Variants in ANKRD45 observed in about 807,000 individuals in gnomAD.
ANKRD45 encodes the protein ankyrin repeat domain-containing protein 45.
Under a neutral mutation model 28.1 loss-of-function variants are expected in ANKRD45, and 21 were observed. That is an observed-to-expected ratio of 0.75 (90% CI 0.53 to 1.08). The LOEUF is 1.08. Among genes scored for constraint, ANKRD45 ranks in the 50% least tolerant of loss-of-function variants. The pLI is 0.00. For missense variants in ANKRD45, 261 were observed against 308.7 expected, an observed-to-expected ratio of 0.85 and a Z score of 1.16; for synonymous variants, 86 against 103.9, an observed-to-expected ratio of 0.83 and a Z score of 1.05.
chr1:173,657,056 G>T (rs1349539393), intron 2 of ANKRD45, among the ~76,000 whole-genome samples: 1 of 148,636 alleles, frequency 6.7e-6, no homozygotes, highest in Non-Finnish European at 1.5e-5. Context: ...GGGATTACAG[G>T]TGTGAGCCAC....
At position 173,620,284 on chromosome 1, in the gene ANKRD45, C is replaced by T. The variant is rs74957350; in HGVS notation, c.730+4503G>A. Among the ~76,000 whole-genome samples the T allele has an allele frequency of 4.9e-3, 739 of 152,228 alleles. 5 individuals carry two copies. Among genetic ancestry groups the T allele is most frequent in the African/African-American group, 0.017 (702 of 41,538 alleles). ...ACCACAGTGCAATCAAATTAGAATT[C>T]GATGCTAAGAAATTCACTCAAAACC... is the stretch of plus-strand genomic sequence containing the variant. On this transcript the variant is annotated intron_variant, in intron 5 of 5. Coordinates refer to ENST00000333279, the MANE Select transcript of ANKRD45 (RefSeq NM_198493.3).
chr1:173,709,616 C>A, the ANKRD45 span, among the ~76,000 whole-genome samples: 1 of 151,900 alleles, frequency 6.6e-6, no homozygotes, highest in Non-Finnish European at 1.5e-5. Context: ...CATATCTGGG[C>A]ACCCTACTAG....
the ANKRD45 span, among the ~76,000 whole-genome samples, chr1:173,702,177 A>C: frequency 1.3e-5 from 2 of 152,162 alleles, no homozygotes; most frequent in South Asian, 4.1e-4. Context: ...GCACAGAGAG[A>C]AGCCAAGAGT....
At chr1:173,670,318 T>C (rs189291805), upstream of ANKRD45, among the ~76,000 whole-genome samples, 1,072 of 152,100 alleles carry the variant, frequency 7.0e-3, 2 homozygotes, top group Non-Finnish European at 0.012. Context: ...AAATTCAAGA[T>C]GCAAAACACA....
chr1:173,631,956 AC>A (rs1668214583), intron 3 of ANKRD45, among the ~76,000 whole-genome samples: 1 of 151,948 alleles, frequency 6.6e-6, no homozygotes, highest in Non-Finnish European at 1.5e-5. Context: ...AGCAAACCAA[AC>A]CCAAAATTAG....
chr1:173,616,749 G>A (rs190952548), intron 5 of ANKRD45, among the ~76,000 whole-genome samples: 7 of 152,246 alleles, frequency 4.6e-5, no homozygotes, highest in Admixed American at 1.3e-4. Context: ...TGAGATGGCC[G>A]ATTAGAAAAA....
At chr1:173,618,667 G>A (rs1667571985) in intron 5 of ANKRD45, among the ~76,000 whole-genome samples, 1 of 152,152 alleles carries the variant, frequency 6.6e-6, no homozygotes, top group African/African-American at 2.4e-5. Flanking sequence ...ACTGATTGGG[G>A]TACCTGAAAA....
the ANKRD45 span, among the ~76,000 whole-genome samples, chr1:173,702,305 A>G: frequency 6.6e-6 from 1 of 152,218 alleles, no homozygotes; most frequent in Non-Finnish European, 1.5e-5. Flanking sequence ...TAGAGGTAGA[A>G]GTATCAATGT....
chr1:173,691,175 T>C, the ANKRD45 span, among the ~76,000 whole-genome samples: 2 of 152,220 alleles, frequency 1.3e-5, no homozygotes, highest in African/African-American at 4.8e-5. Context: ...CCTTGGTCCA[T>C]GCCCAGAGTC....
chr1:173,713,348 T>C, the ANKRD45 span, among the ~76,000 whole-genome samples: 1 of 152,198 alleles, frequency 6.6e-6, no homozygotes, highest in Non-Finnish European at 1.5e-5. Context: ...AGTCTGTCCT[T>C]AATTATTCCT....
rs79380405 is a variant in ANKRD45, at chr1:173,647,466, C to T, written c.329-453G>A. Among the ~76,000 whole-genome samples the T allele has an allele frequency of 2.2e-4, 34 of 152,188 alleles. 1 individual carries two copies. In the East Asian group the frequency reaches 6.0e-3, roughly 27 times the overall value. ...ATACAAATTACTACAACTGTGTATA[C>T]CTTAGGTTTGGAAATTCTATTAATT... On this transcript the variant is annotated intron_variant, in intron 2 of 5. Coordinates refer to ENST00000333279, the MANE Select transcript of ANKRD45 (RefSeq NM_198493.3).
At chr1:173,681,648 AC>A in the ANKRD45 span, among the ~76,000 whole-genome samples, 4 of 152,210 alleles carry the variant, frequency 2.6e-5, no homozygotes, top group Non-Finnish European at 5.9e-5. Flanking sequence ...GTTGTCAGCT[AC>A]ATAGCCTTAA....
intron 2 of ANKRD45, among the ~76,000 whole-genome samples, chr1:173,647,377 A>T (rs1035281503): frequency 6.6e-6 from 1 of 152,174 alleles, no homozygotes; most frequent in African/African-American, 2.4e-5. Context: ...TTCTGAACGC[A>T]ACTGGACCTG....
chr1:173,710,154 G>A, the ANKRD45 span, among the ~76,000 whole-genome samples: 1 of 152,146 alleles, frequency 6.6e-6, no homozygotes, highest in African/African-American at 2.4e-5. Flanking sequence ...GTGAGAACTC[G>A]TCTCTACAAA....
the ANKRD45 span, among the ~76,000 whole-genome samples, chr1:173,684,544 A>C: frequency 2.6e-5 from 4 of 152,182 alleles, no homozygotes; most frequent in South Asian, 2.1e-4. Flanking sequence ...GGAAGTAAGA[A>C]TTGAGGCTAT....
chr1:173,612,319 AGAAGGAAGGAAGGAAG>A (rs200258529), intron 5 of ANKRD45, among the ~76,000 whole-genome samples: 5 of 130,236 alleles, frequency 3.8e-5, no homozygotes, highest in Admixed American at 7.8e-5. Flanking sequence ...AAGGAAGGAA[AGAAGGAAGGAAGGAAG>A]GAAGGAAGGA....
At chr1:173,643,814 T>G (rs529685414) in intron 3 of ANKRD45, among the ~76,000 whole-genome samples, 1 of 152,252 alleles carries the variant, frequency 6.6e-6, no homozygotes, top group African/African-American at 2.4e-5. Context: ...TTTTCAAAAA[T>G]AATACTTGAA....
rs773144329 is a variant in ANKRD45 at position 173,659,400 on chromosome 1, G to C, written c.19C>G (p.Pro7Ala). Residue 7 changes from proline (P) to alanine (A), a missense_variant, in exon 2 of 6, where the codon CCA (proline) becomes GCA (alanine). By Grantham distance (27) the Pro-to-Ala change is conservative (BLOSUM62 -1). Coordinates refer to ENST00000333279, the MANE Select transcript of ANKRD45 (RefSeq NM_198493.3). ...AAAAATTCTGAACTCTCTGACTCTG[G>C]AGGTCCTTCTGACTCCATTAACTCC... is the stretch of plus-strand genomic sequence containing the variant. MESEGP[P>A]ESESSEFFSQ... is the part of the protein sequence containing the mutation. 4 of 1,574,738 alleles carry C rather than the reference G, an allele frequency of 2.5e-6. No individual in the cohort carries two copies. The highest frequency in any genetic ancestry group is 2.6e-6 in the Non-Finnish European group (3 of 1,164,632).
chr1:173,613,072 C>A (rs1667249217), intron 5 of ANKRD45, among the ~76,000 whole-genome samples: 1 of 151,636 alleles, frequency 6.6e-6, no homozygotes, highest in Admixed American at 6.6e-5. Flanking sequence ...ATGTGAGGAG[C>A]CCCTCTGCTC....
Sources: allele counts gnomAD v4.1 joint callset (sites outside exome capture counted in the v4.1 genomes callset), GRCh38; gene constraint gnomAD v4.1.1; transcripts MANE v1.5; gene names NCBI Gene and HGNC (gene_info 2026-07-23, HGNC 2026-07-21).